The following METAP1 variants were observed in gnomAD, a reference collection of about 807,000 sequenced individuals.
The protein encoded by METAP1 is methionine aminopeptidase 1.
A neutral mutation model predicts 53.8 loss-of-function variants in METAP1; 28 were observed. The observed-to-expected ratio is 0.52, with a 90% CI of 0.39 to 0.71. The LOEUF (loss-of-function observed/expected upper bound fraction) is 0.71. Ranked by LOEUF, METAP1 falls within the 30% of genes least tolerant of loss-of-function variation. METAP1 has a pLI of 0.00. For missense variants in METAP1, 389 were observed against 479.8 expected, an observed-to-expected ratio of 0.81 and a Z score of 1.77; for synonymous variants, 181 against 165.7, an observed-to-expected ratio of 1.09 and a Z score of -0.71.
At chr4:98,995,965 GCTC>G (rs1023894235) in intron 1 of METAP1, 98 bp downstream of exon 1, 12 of 947,392 alleles carry the variant, frequency 1.3e-5, no homozygotes, top group African/African-American at 3.4e-5. Flanking sequence ...GTCGGGACGC[GCTC>G]CTCCTCTTCC....
intron 1 of METAP1, among the ~76,000 whole-genome samples, chr4:99,018,937 C>A (rs990763154): frequency 6.6e-6 from 1 of 152,138 alleles, no homozygotes; most frequent in Non-Finnish European, 1.5e-5. Context: ...CTTCTCTTGA[C>A]CATAAATCCG....
intron 1 of METAP1, among the ~76,000 whole-genome samples, chr4:99,024,812 T>C (rs1358156823): frequency 1.3e-5 from 2 of 152,342 alleles, no homozygotes; most frequent in South Asian, 2.1e-4. Flanking sequence ...AGAGCTGTTA[T>C]TGTCTTTGTT....
At chr4:99,051,171 A>C (rs1319118986) in intron 9 of METAP1, among the ~76,000 whole-genome samples, 1 of 152,170 alleles carries the variant, frequency 6.6e-6, no homozygotes, top group Non-Finnish European at 1.5e-5. Context: ...TTGCAGAAGC[A>C]ATAAAATTTG....
intron 1 of METAP1, among the ~76,000 whole-genome samples, chr4:99,005,244 G>A (rs1216566699): frequency 6.6e-6 from 1 of 151,562 alleles, no homozygotes; most frequent in Non-Finnish European, 1.5e-5. Flanking sequence ...TCTGACAAAG[G>A]ACTAATACCC....
At chr4:99,006,904 C>A (rs754619255) in intron 1 of METAP1, among the ~76,000 whole-genome samples, 2 of 151,940 alleles carry the variant, frequency 1.3e-5, no homozygotes, top group Non-Finnish European at 2.9e-5. Context: ...GTTCTTTTGT[C>A]CCCTGTAGTT....
chr4:99,044,977 C>T (rs1381723540), intron 7 of METAP1, among the ~76,000 whole-genome samples: 1 of 152,158 alleles, frequency 6.6e-6, no homozygotes, highest in Non-Finnish European at 1.5e-5. Flanking sequence ...TGTTACATGG[C>T]CATATTCCTG....
intron 4 of METAP1, 97 bp downstream of exon 4, chr4:99,035,557 C>A: frequency 2.3e-6 from 2 of 854,756 alleles, no homozygotes; most frequent in Non-Finnish European, 3.7e-6. Context: ...TTTTTCAGTG[C>A]TGGACTTCTA....
intron 1 of METAP1, among the ~76,000 whole-genome samples, chr4:99,008,532 A>G (rs906585507): frequency 3.9e-5 from 6 of 152,200 alleles, no homozygotes; most frequent in Non-Finnish European, 7.4e-5. Context: ...TTGGTTTCTT[A>G]TCTTTCCAGA....
intron 9 of METAP1, among the ~76,000 whole-genome samples, chr4:99,057,032 A>G (rs12512420): frequency 0.46 from 68,767 of 151,122 alleles, 17,590 homozygotes; most frequent in South Asian, 0.68. Flanking sequence ...CACCTGGCTA[A>G]TTTTTGTATT....
At chr4:98,996,233 G>C (rs1402442640) in intron 1 of METAP1, among the ~76,000 whole-genome samples, 2 of 152,204 alleles carry the variant, frequency 1.3e-5, no homozygotes, top group Non-Finnish European at 2.9e-5. Flanking sequence ...AGGTAGCGGC[G>C]CCGGGAAGGA....
At chr4:99,019,204 G>T (rs563401429) in intron 1 of METAP1, among the ~76,000 whole-genome samples, 1 of 152,278 alleles carries the variant, frequency 6.6e-6, no homozygotes, top group South Asian at 2.1e-4. Context: ...AACAGCTGAG[G>T]CCACTTGGAG....
intron 9 of METAP1, among the ~76,000 whole-genome samples, chr4:99,049,951 T>C (rs1179590595): frequency 6.6e-6 from 1 of 152,186 alleles, no homozygotes; most frequent in Non-Finnish European, 1.5e-5. Context: ...TTAAAGCAAC[T>C]CTGTGCTTAC....
chr4:99,011,892 A>G (rs1473193782), intron 1 of METAP1, among the ~76,000 whole-genome samples: 2 of 152,224 alleles, frequency 1.3e-5, no homozygotes, highest in African/African-American at 4.8e-5. Context: ...GTGAGCAGAG[A>G]TCGCTCCATT....
At chr4:99,036,219 G>A (rs1210464923) in intron 4 of METAP1, 2 of 152,450 alleles carry the variant, frequency 1.3e-5, no homozygotes, top group African/African-American at 4.8e-5. Flanking sequence ...AGCAAGCTAA[G>A]CTATCCTTGC....
chr4:99,032,611 C>T (rs1366562649), intron 2 of METAP1, among the ~76,000 whole-genome samples: 1 of 152,166 alleles, frequency 6.6e-6, no homozygotes, highest in Non-Finnish European at 1.5e-5. Flanking sequence ...TACACCCTCA[C>T]CTTCTCCTGT....
intron 9 of METAP1, among the ~76,000 whole-genome samples, chr4:99,051,424 T>A (rs889150814): frequency 6.6e-6 from 1 of 152,156 alleles, no homozygotes; most frequent in Non-Finnish European, 1.5e-5. Context: ...AGGATCTCGC[T>A]GTGTCGCCTA....
chr4:99,003,787 C>G, intron 1 of METAP1, among the ~76,000 whole-genome samples: 1 of 152,188 alleles, frequency 6.6e-6, no homozygotes, highest in Non-Finnish European at 1.5e-5. Context: ...ATGGGGGTTT[C>G]TCCTCACCAC....
chr4:99,045,367 G>A (rs1353708193), intron 8 of METAP1, 57 bp downstream of exon 8: 20 of 1,593,218 alleles, frequency 1.3e-5, no homozygotes, highest in Non-Finnish European at 1.7e-5. Context: ...GGCCAAGAAT[G>A]ACTGGGCGCT....
In METAP1 at chr4:99,062,209, A is replaced by G. The variant is rs1178761461; in HGVS notation, c.*892A>G. 6.6e-6 allele frequency: 1 copy of G among 152,224 alleles called. No individual in the cohort carries two copies. The highest frequency in any genetic ancestry group is 6.5e-5 in the Admixed American group (1 of 15,282). 9.4% of individuals were successfully genotyped at this position (152,224 alleles called of 1,614,324 possible). ...GTGCTCAGAGAAGCGTGAAGTTTGC[A>G]CTATGGTGGAGGATGGGGAAAGAGT... On this transcript the variant is annotated 3_prime_UTR_variant, in exon 11 of 11. Transcript: ENST00000296411.
Sources: allele counts gnomAD v4.1 joint callset (sites outside exome capture counted in the v4.1 genomes callset), GRCh38; gene constraint gnomAD v4.1.1; transcripts MANE v1.5; gene names NCBI Gene and HGNC (gene_info 2026-07-23, HGNC 2026-07-21).